SCN10A: variants seen among roughly 807,000 people sequenced by gnomAD.
SCN10A encodes sodium voltage-gated channel alpha subunit 10, also known as sodium channel protein type 10 subunit alpha.
SCN10A carries 162 observed loss-of-function variants against 170.7 expected under a neutral mutation model. The ratio of observed to expected loss-of-function variants is 0.95; its 90% CI spans 0.84 to 1.08. The LOEUF (loss-of-function observed/expected upper bound fraction) is 1.08, where lower values mean the gene tolerates loss of function less well. SCN10A is among the 50% of genes least tolerant of loss of function. The probability of loss-of-function intolerance (pLI) is 0.00; values close to 1 mark genes in which losing one functional copy is unlikely to be tolerated. For missense variants in SCN10A, 2,527 were observed against 2,436.9 expected (o/e 1.04, Z -0.78); for synonymous variants, 985 against 904.6 (o/e 1.09, Z -1.59).
chr3:38,808,688 G>C (rs1057111505), intron 1 of SCN10A, among the ~76,000 whole-genome samples: 10 of 152,152 alleles, frequency 6.6e-5, no homozygotes, highest in Non-Finnish European at 1.5e-4. Context: ...TGCCTAGTTT[G>C]ACCTTAGAAT....
At chr3:38,726,476 C>T (rs2063456223) in intron 17 of SCN10A, 130 bp downstream of exon 17, 7 of 712,066 alleles carry the variant, frequency 9.8e-6, no homozygotes, top group Non-Finnish European at 1.5e-5. Context: ...GCCAACTCCT[C>T]TGGAAAGCTT....
intron 5 of SCN10A, 97 bp downstream of exon 5, chr3:38,771,180 ACT>A (rs1192232802): frequency 7.4e-7 from 1 of 1,356,500 alleles, no homozygotes; most frequent in Non-Finnish European, 1.0e-6. Flanking sequence ...GAGTCTCCAC[ACT>A]CTGTCCAAGT....
intron 1 of SCN10A, among the ~76,000 whole-genome samples, chr3:38,810,495 G>A (rs1488097749): frequency 2.0e-5 from 3 of 152,146 alleles, no homozygotes; most frequent in Admixed American, 2.0e-4. Context: ...TCTCCTTTTA[G>A]GCTAAAGCTT....
chr3:38,810,431 G>T (rs1012202606), intron 1 of SCN10A, among the ~76,000 whole-genome samples: 5 of 152,142 alleles, frequency 3.3e-5, no homozygotes, highest in African/African-American at 7.2e-5. Flanking sequence ...GTCACATTCT[G>T]ATTTGGTCCT....
chr3:38,777,975 T>C (rs2064096185), intron 4 of SCN10A, among the ~76,000 whole-genome samples: 1 of 152,044 alleles, frequency 6.6e-6, no homozygotes, highest in South Asian at 2.1e-4. Context: ...CAGGATAATA[T>C]CTTTATGGAA....
At chr3:38,778,841 T>G (rs1299489516) in intron 4 of SCN10A, among the ~76,000 whole-genome samples, 3 of 152,092 alleles carry the variant, frequency 2.0e-5, no homozygotes, top group African/African-American at 7.2e-5. Context: ...CCAAGGATGC[T>G]GAACATCATC....
rs779527264 is a variant in SCN10A, at chr3:38,712,363, C to A, written c.3887G>T (p.Ser1296Ile). 136 of 1,614,190 alleles carry A rather than the reference C, an allele frequency of 8.4e-5. 5 individuals are homozygous for A. In the South Asian group the frequency reaches 1.5e-3, roughly 17 times the overall value. ...LVCLIFWLIF[S>I]IMGVNLFAGK... ...TGCGAAGAGGTTCACACCCATGATGCTGAAGATGAGCCAGAAGATGAGGCA... is the reference window on the plus strand; with the variant it reads ...TGCGAAGAGGTTCACACCCATGATGATGAAGATGAGCCAGAAGATGAGGCA... The change falls in exon 23 of 28, where the codon AGC becomes ATC. Residue 1296 changes from serine to isoleucine, a missense_variant. Physicochemically the swap from Ser to Ile is moderately radical, Grantham distance 142. Transcript: ENST00000449082.
Position 38,760,676 on chromosome 3 carries a change from C to CT in SCN10A, c.950+4dup. On this transcript the variant is annotated splice_donor_region_variant and intron_variant, in intron 8 of 27. Coordinates refer to ENST00000449082, the MANE Select transcript of SCN10A (RefSeq NM_006514.4). ...CTCGTGCTTTGTCATAAGTTGGGAA[C>CT]TCACCCTGAGTCAGATCCATTGCCA... 6.2e-7 allele frequency: 1 copy of CT among 1,612,698 alleles called. No individual in the cohort carries two copies. Among genetic ancestry groups the CT allele is most frequent in the Admixed American group, 1.7e-5 (1 of 60,026 alleles).
At chr3:38,759,188 G>A (rs1242578299) in intron 8 of SCN10A, among the ~76,000 whole-genome samples, 1 of 152,110 alleles carries the variant, frequency 6.6e-6, no homozygotes, top group African/African-American at 2.4e-5. Context: ...AGCCTCTCAG[G>A]CACTGGGGGT....
chr3:38,745,048 A>G (rs1006575799), intron 13 of SCN10A, among the ~76,000 whole-genome samples: 1 of 152,216 alleles, frequency 6.6e-6, no homozygotes, highest in Non-Finnish European at 1.5e-5. Context: ...TTGGCACTAA[A>G]AAGAAGCACA....
At chr3:38,773,575 A>G (rs967363931) in intron 4 of SCN10A, among the ~76,000 whole-genome samples, 1 of 152,212 alleles carries the variant, frequency 6.6e-6, no homozygotes, top group Non-Finnish European at 1.5e-5. Flanking sequence ...GAGTTTGGGA[A>G]CAAATTAGGG....
chr3:38,756,652 A>C (rs1179522357), intron 10 of SCN10A, 22 bp downstream of exon 10: 1 of 1,601,422 alleles, frequency 6.2e-7, no homozygotes, highest in East Asian at 2.2e-5. Flanking sequence ...CCTTCTTCAC[A>C]AAGCTTCCAC....
intron 26 of SCN10A, 128 bp from the exon 27 acceptor site, chr3:38,702,237 C>G (rs1414048976): frequency 1.0e-6 from 1 of 985,428 alleles, no homozygotes; most frequent in East Asian, 2.9e-5. Context: ...ACTATCCTTA[C>G]CTCTTCCAAA....
Position 38,712,386 on chromosome 3 carries a change from G to C in SCN10A, c.3864C>G (p.Cys1288Trp), listed in dbSNP as rs749044361. The change falls in exon 23 of 28, where the codon TGC (cysteine) becomes TGG (tryptophan). Residue 1288 changes from cysteine to tryptophan, a missense_variant. Transcript: ENST00000449082. ...IPSIMNVLLV[C>W]LIFWLIFSIM... is the part of the protein sequence containing the mutation. ...TGCTGAAGATGAGCCAGAAGATGAGGCAGACGAGGAGGACATTCATGATGG... is the reference window on the plus strand; with the variant it reads ...TGCTGAAGATGAGCCAGAAGATGAGCCAGACGAGGAGGACATTCATGATGG... The C allele has an allele frequency of 1.2e-5, 19 of 1,614,070 alleles. No individual in the cohort carries two copies. Among genetic ancestry groups the C allele is most frequent in the Non-Finnish European group, 1.4e-5 (17 of 1,180,040 alleles).
intron 25 of SCN10A, 78 bp downstream of exon 25, chr3:38,709,400 G>T: frequency 6.9e-7 from 1 of 1,457,196 alleles, no homozygotes; most frequent in Non-Finnish European, 9.3e-7. Context: ...TTTGTCAGGA[G>T]GCCAGAGCTG....
rs528738403 is a variant in SCN10A, at chr3:38,725,250, C to T, written c.3152G>A (p.Gly1051Glu). The T allele has an allele frequency of 1.0e-4, 160 of 1,606,342 alleles. 3 individuals are homozygous for T. The South Asian group carries it at 1.7e-3, about 17-fold the overall frequency. The stretch of plus-strand genomic sequence containing the variant: ...TGGAGCCAGGTCCTCAGAAGATGTT[C>T]CAGTGCCTGGGCTCCTGGGTGTCAG... ...DHLTPRSPGT[G>E]TSSEDLAPSL... The change falls in exon 18 of 28, where the codon GGA (glycine) becomes GAA (glutamate). Residue 1051 changes from glycine to glutamate, a missense_variant. Transcript: ENST00000449082.
At chr3:38,776,874 A>G (rs993151911) in intron 4 of SCN10A, among the ~76,000 whole-genome samples, 2 of 152,098 alleles carry the variant, frequency 1.3e-5, no homozygotes, top group African/African-American at 4.8e-5. Context: ...AGCTGGAACC[A>G]TTAAAAATAG....
chr3:38,737,818 T>TTCTC (rs2063584820), intron 15 of SCN10A, among the ~76,000 whole-genome samples: 1 of 127,764 alleles, frequency 7.8e-6, no homozygotes, highest in Admixed American at 8.3e-5. Context: ...CTTTCTTTCT[T>TTCTC]TCTTTCTTTC....
chr3:38,775,157 A>C (rs999184592), intron 4 of SCN10A, among the ~76,000 whole-genome samples: 1 of 152,194 alleles, frequency 6.6e-6, no homozygotes, highest in Non-Finnish European at 1.5e-5. Flanking sequence ...CATTAAGTAC[A>C]TTCAGTATTG....
Sources: allele counts gnomAD v4.1 joint callset (sites outside exome capture counted in the v4.1 genomes callset), GRCh38; gene constraint gnomAD v4.1.1; transcripts MANE v1.5; gene names NCBI Gene and HGNC (gene_info 2026-07-23, HGNC 2026-07-21).